The following JAKMIP1 variants were observed in gnomAD, a reference collection of about 807,000 sequenced individuals.
JAKMIP1 encodes the protein janus kinase and microtubule interacting protein 1.
In JAKMIP1, 33 loss-of-function variants were observed where a neutral mutation model predicts 113.0. That is an observed-to-expected ratio of 0.29 (90% CI 0.22 to 0.39). The LOEUF is 0.39. Among genes scored for constraint, JAKMIP1 ranks in the 10% least tolerant of loss-of-function variants. The probability of loss-of-function intolerance (pLI) is 1.00; values close to 1 mark genes in which losing one functional copy is unlikely to be tolerated. For synonymous variants in JAKMIP1, 480 were observed against 459.9 expected (o/e 1.04, Z -0.56); for missense variants, 813 against 1,080.5 (o/e 0.75, Z 3.47).
intron 1 of JAKMIP1, among the ~76,000 whole-genome samples, chr4:6,182,406 C>A (rs1726132993): frequency 1.7e-5 from 1 of 59,114 alleles, no homozygotes; most frequent in Non-Finnish European, 3.2e-5. Context: ...GAGACCCTGT[C>A]TCAGAAAAAA....
intron 1 of JAKMIP1, among the ~76,000 whole-genome samples, chr4:6,118,506 C>T (rs921831726): frequency 6.6e-6 from 1 of 152,150 alleles, no homozygotes; most frequent in Non-Finnish European, 1.5e-5. Flanking sequence ...GATTGGTTCG[C>T]AGGAGGTGGA....
At chr4:6,062,544 C>A (rs1717454500) in intron 9 of JAKMIP1, 104 bp from the exon 10 acceptor site, 1 of 1,228,694 alleles carries the variant, frequency 8.1e-7, no homozygotes, top group Non-Finnish European at 1.1e-6. Context: ...CTTGCTATGG[C>A]TTTGAGTGCC....
At position 6,105,511 on chromosome 4, in the gene JAKMIP1, G is replaced by A; in HGVS notation, c.586C>T (p.Arg196Cys). ...TCGCGCTCGCACTCGCGCTTGATGC[G>A]GTGCACCTCGTCTTGGTGCGCCTGG... ...AYQAHQDEVHRIKRECERDIR... is the reference protein window; with the variant it reads ...AYQAHQDEVHCIKRECERDIR... Residue 196 changes from arginine to cysteine, a missense_variant, in exon 3 of 21, where the codon CGC becomes TGC. Coordinates refer to ENST00000409021, the MANE Select transcript of JAKMIP1 (RefSeq NM_001099433.2). 1 of 1,609,754 alleles carries A rather than the reference G, an allele frequency of 6.2e-7. No individual in the cohort carries two copies. The highest frequency in any genetic ancestry group is 8.5e-7 in the Non-Finnish European group (1 of 1,178,740).
Position 6,059,113 on chromosome 4 carries a change from A to G in JAKMIP1, c.1644+1311T>C, listed in dbSNP as rs545447247. Among the ~76,000 whole-genome samples, 1 of 152,362 alleles carries G rather than the reference A, an allele frequency of 6.6e-6. No individual in the cohort carries two copies. The highest frequency in any genetic ancestry group is 2.1e-4 in the South Asian group (1 of 4,828). On this transcript the variant is annotated intron_variant, in intron 11 of 20. Transcript: ENST00000409021. This position sits in a 1 kb window ranked among gnomAD's most constrained non-coding sequence, Gnocchi z 4.8. ...TGCCCTCTGACCCAGGTGGCCAGCT[A>G]TAGCATGTGAGCTCTGCGTCACGAT...
At position 6,049,683 on chromosome 4, in the gene JAKMIP1, T is replaced by C. The variant is rs1715422057; in HGVS notation, c.1962+136A>G. The C allele has an allele frequency of 5.8e-6, 4 of 693,442 alleles. No individual in the cohort carries two copies. The South Asian group carries it at 7.4e-5, about 13-fold the overall frequency. The allele number at this position is 693,442 out of a possible 1,614,324, so 43.0% of individuals were successfully genotyped here. A position where few individuals can be genotyped will look rare whatever the true frequency, so the allele number is the denominator to read the frequency against. On this transcript the variant is annotated intron_variant, in intron 15 of 20. Transcript: ENST00000409021. This position sits in a 1 kb window ranked among gnomAD's most constrained non-coding sequence, Gnocchi z 7.0. ...CACCACCCACACAGGAACACGGCCA[T>C]ACAAAAGCCTTACATTGTACTTCTT...
Position 6,093,622 on chromosome 4 carries a change from A to G in JAKMIP1, c.625-7993T>C, listed in dbSNP as rs1038236855. 1.3e-5 allele frequency among the ~76,000 whole-genome samples: 2 copies of G among 152,182 alleles called. No individual in the cohort carries two copies. Among genetic ancestry groups the G allele is most frequent in the Non-Finnish European group, 2.9e-5 (2 of 68,030 alleles). On this transcript the variant is annotated intron_variant, in intron 3 of 20. Transcript: ENST00000409021. The surrounding 1 kb of genome is among the most constrained non-coding windows in gnomAD (Gnocchi z 4.6). ...TTCTTATGCAAAACAGTCACCTCAT[A>G]AAGGTCAGCAGTCTCTTGAAGTTCA...
In JAKMIP1 at chr4:6,031,964, G is replaced by A. The variant is rs977171721; in HGVS notation, c.2380-2183C>T. ...TACTCTCTCCCACCCGAAGGGAACT[G>A]TGTGACCTCAGTCTGGTAGTGGCAG... On this transcript the variant is annotated intron_variant, in intron 19 of 20. Transcript: ENST00000409021. This position sits in a 1 kb window ranked among gnomAD's most constrained non-coding sequence, Gnocchi z 4.4. Among the ~76,000 whole-genome samples the A allele has an allele frequency of 2.6e-5, 4 of 152,234 alleles. No homozygotes were observed. Among genetic ancestry groups the A allele is most frequent in the Admixed American group, 2.0e-4 (3 of 15,290 alleles).
intron 12 of JAKMIP1, among the ~76,000 whole-genome samples, chr4:6,056,002 C>T (rs576562346): frequency 6.7e-6 from 1 of 149,380 alleles, no homozygotes; most frequent in African/African-American, 2.5e-5. Context: ...CCCATCTCTG[C>T]AGGGTATCCC....
At position 6,137,087 on chromosome 4, in the gene JAKMIP1, G is replaced by A. The variant is rs1337970680; in HGVS notation, c.-147-24090C>T. On this transcript the variant is annotated intron_variant, in intron 1 of 20. Transcript: ENST00000409021. This position sits in a 1 kb window ranked among gnomAD's most constrained non-coding sequence, Gnocchi z 4.5. ...GTGTCCCCTCCGATGTGCCCCCACC[G>A]AGGGAATAATCACTCTTCCTCCTCA... Among the ~76,000 whole-genome samples the A allele has an allele frequency of 2.0e-5, 3 of 152,178 alleles. No individual in the cohort carries two copies. Among genetic ancestry groups the A allele is most frequent in the Non-Finnish European group, 2.9e-5 (2 of 68,012 alleles).
intron 3 of JAKMIP1, 46 bp downstream of exon 3, chr4:6,105,427 G>C (rs1489945515): frequency 2.6e-6 from 4 of 1,522,332 alleles, no homozygotes; most frequent in East Asian, 4.5e-5. Context: ...TGCGTGCAGG[G>C]AGGGAAGGCC....
rs535219167 is a variant in JAKMIP1 at position 6,197,693 on chromosome 4, T to C, written c.-148+2560A>G. 4.5e-4 allele frequency among the ~76,000 whole-genome samples: 68 copies of C among 152,284 alleles called. No homozygotes were observed. The South Asian group carries it at 4.8e-3, about 11-fold the overall frequency. On this transcript the variant is annotated intron_variant, in intron 1 of 20. Transcript: ENST00000409021. This position sits in a 1 kb window ranked among gnomAD's most constrained non-coding sequence, Gnocchi z 6.5. ...AGACTCCCCAAGGGAAGCCCCCATT[T>C]AGTTAGAAAGCCCAGCAGGGAGGCA...
chr4:6,134,824 C>T (rs886715241), intron 1 of JAKMIP1, among the ~76,000 whole-genome samples: 5 of 151,936 alleles, frequency 3.3e-5, no homozygotes, highest in South Asian at 4.1e-4. Flanking sequence ...AGATGAGCCA[C>T]ATCCTCTCTC....
rs1188285511 is a variant in JAKMIP1 at position 6,054,163 on chromosome 4, C to A, written c.1708-15G>T. The A allele has an allele frequency of 1.2e-6, 2 of 1,613,824 alleles. No homozygotes were observed. Among genetic ancestry groups the A allele is most frequent in the Admixed American group, 1.7e-5 (1 of 60,002 alleles). On this transcript the variant is annotated splice_polypyrimidine_tract_variant and intron_variant, in intron 12 of 20. Transcript: ENST00000409021. ...AGTCTGTAAATCTAGAGCAAAGATA[C>A]CTGCGGATTAACAGGATGGGTGGGA...
intron 5 of JAKMIP1, among the ~76,000 whole-genome samples, chr4:6,083,402 C>CAA (rs77719269): frequency 0.014 from 1,521 of 109,882 alleles, 32 homozygotes; most frequent in African/African-American, 0.046. Context: ...GACTCCACCT[C>CAA]AAAAAAAAAA....
In JAKMIP1 at chr4:6,141,711, A is replaced by G. The variant is rs1160263594; in HGVS notation, c.-147-28714T>C. 3.9e-5 allele frequency among the ~76,000 whole-genome samples: 6 copies of G among 152,156 alleles called. No individual in the cohort carries two copies. Among genetic ancestry groups the G allele is most frequent in the East Asian group, 1.9e-4 (1 of 5,188 alleles). On this transcript the variant is annotated intron_variant, in intron 1 of 20. Coordinates refer to ENST00000409021, the MANE Select transcript of JAKMIP1 (RefSeq NM_001099433.2). This position sits in a 1 kb window ranked among gnomAD's most constrained non-coding sequence, Gnocchi z 9.4. ...CCACAGAAGCCAGGTGGAGAAATGCAAGAGCTATTTCTGCACCAAATGGAA... is the reference window on the plus strand; with the variant it reads ...CCACAGAAGCCAGGTGGAGAAATGCGAGAGCTATTTCTGCACCAAATGGAA...
At chr4:6,103,702 T>G (rs1445125458) in intron 3 of JAKMIP1, among the ~76,000 whole-genome samples, 1 of 152,218 alleles carries the variant, frequency 6.6e-6, no homozygotes, top group Non-Finnish European at 1.5e-5. Flanking sequence ...TACTTAGATT[T>G]TCTATTTGTT....
At chr4:6,083,933 A>T (rs138107581) in intron 5 of JAKMIP1, among the ~76,000 whole-genome samples, 4 of 152,180 alleles carry the variant, frequency 2.6e-5, no homozygotes. Flanking sequence ...AAATTAATGT[A>T]TAAGTTTTAG....
At chr4:6,103,081 GT>G (rs1409431605) in intron 3 of JAKMIP1, among the ~76,000 whole-genome samples, 1 of 152,060 alleles carries the variant, frequency 6.6e-6, no homozygotes, top group Non-Finnish European at 1.5e-5. Flanking sequence ...TCAACATCTT[GT>G]TTTGACCTTG....
chr4:6,121,158 C>G (rs1716658765), intron 1 of JAKMIP1, among the ~76,000 whole-genome samples: 1 of 146,650 alleles, frequency 6.8e-6, no homozygotes, highest in Non-Finnish European at 1.5e-5. Flanking sequence ...CAAGATTGCA[C>G]CACTGAACTC....
Sources: allele counts gnomAD v4.1 joint callset (sites outside exome capture counted in the v4.1 genomes callset), GRCh38; gene constraint gnomAD v4.1.1; non-coding constraint Gnocchi (gnomAD v3.1); transcripts MANE v1.5; gene names NCBI Gene and HGNC (gene_info 2026-07-23, HGNC 2026-07-21).